Variants in BIRC6 observed in about 807,000 individuals in gnomAD.
The protein encoded by BIRC6 is dual E2 ubiquitin-conjugating enzyme/E3 ubiquitin-protein ligase BIRC6.
A neutral mutation model predicts 503.3 loss-of-function variants in BIRC6; 98 were observed. The ratio of observed to expected loss-of-function variants is 0.19; its 90% CI spans 0.17 to 0.23. The LOEUF (loss-of-function observed/expected upper bound fraction) is 0.23, where lower values mean the gene tolerates loss of function less well. Ranked by LOEUF, BIRC6 falls within the 10% of genes least tolerant of loss-of-function variation. BIRC6 has a pLI of 1.00. For synonymous variants in BIRC6, 2,240 were observed against 2,078.7 expected (o/e 1.08, Z -2.11); for missense variants, 5,360 against 5,806.0 (o/e 0.92, Z 2.50).
chr2:32,491,169 T>C (rs896703001), intron 43 of BIRC6, among the ~76,000 whole-genome samples: 17 of 152,312 alleles, frequency 1.1e-4, no homozygotes, highest in African/African-American at 4.1e-4. Flanking sequence ...GTTATATCTT[T>C]TCTGTTTGAC....
intron 23 of BIRC6, among the ~76,000 whole-genome samples, chr2:32,461,013 T>TTC (rs2047849266): frequency 9.6e-5 from 5 of 52,058 alleles, no homozygotes; most frequent in Non-Finnish European, 2.1e-4. Flanking sequence ...TTCTCTTCTC[T>TTC]TCTCTTCTCT....
At chr2:32,509,612 A>G (rs1178939053) in intron 51 of BIRC6, 126 bp from the exon 52 acceptor site, 10 of 1,091,916 alleles carry the variant, frequency 9.2e-6, no homozygotes, top group African/African-American at 1.6e-5. Context: ...CATTCTAAAA[A>G]AACATGTCTT....
At chr2:32,407,667 A>C (rs1021267917) in intron 9 of BIRC6, among the ~76,000 whole-genome samples, 1 of 152,090 alleles carries the variant, frequency 6.6e-6, no homozygotes, top group Non-Finnish European at 1.5e-5. Flanking sequence ...ATTTGGTAGT[A>C]AATATTCTTT....
At chr2:32,595,273 T>C (rs758890484) in intron 68 of BIRC6, 129 bp downstream of exon 68, 1 of 578,052 alleles carries the variant, frequency 1.7e-6, no homozygotes, top group East Asian at 3.3e-5. Flanking sequence ...TTCATACATA[T>C]CAACATTTTT....
At chr2:32,494,380 A>G (rs2052160824) in intron 45 of BIRC6, among the ~76,000 whole-genome samples, 1 of 151,674 alleles carries the variant, frequency 6.6e-6, no homozygotes, top group African/African-American at 2.4e-5. Context: ...GGCACGCACC[A>G]CCACACCCAG....
chr2:32,463,796 T>G (rs2048247442), intron 24 of BIRC6, among the ~76,000 whole-genome samples: 1 of 152,214 alleles, frequency 6.6e-6, no homozygotes, highest in African/African-American at 2.4e-5. Flanking sequence ...ATTAGGGGTC[T>G]CCAGTCCCTG....
intron 50 of BIRC6, 154 bp downstream of exon 50, chr2:32,505,359 A>T (rs1411348753): frequency 1.6e-6 from 1 of 624,568 alleles, no homozygotes; most frequent in Non-Finnish European, 2.7e-6. Flanking sequence ...TAATACTACC[A>T]AGTCATTTTA....
In BIRC6 at chr2:32,468,076, A is replaced by G. The variant is rs1475442068; in HGVS notation, c.5745A>G (p.Ala1915=). 1 of 1,613,954 alleles carries G rather than the reference A, an allele frequency of 6.2e-7. No individual in the cohort carries two copies. Reference sequence around the variant, plus strand: ...AGCCAGAAATTGACCAGCATTTAGCAATGATGGTTGCTTTGCAGGAGGATA... The same window carrying G: ...AGCCAGAAATTGACCAGCATTTAGCGATGATGGTTGCTTTGCAGGAGGATA... ...ANQPEIDQHL[A]MMVALQEDIQ... The change falls in exon 28 of 74, where the codon GCA becomes GCG. Residue 1915 remains alanine, a synonymous_variant. Transcript: ENST00000421745.
rs747306386 is a variant in BIRC6 at position 32,481,407 on chromosome 2, T to C, written c.7496T>C (p.Leu2499Ser). The change falls in exon 38 of 74, where the codon TTA becomes TCA. Residue 2499 changes from leucine to serine, a missense_variant. This residue lies in a region of BIRC6 where 2,299 missense variants were observed against 2,267.2 expected (regional missense o/e 1.01). Coordinates refer to ENST00000421745, the MANE Select transcript of BIRC6 (RefSeq NM_016252.4). ...CTAATGGAAGTTGACATTGATCCTT[T>C]AGATATTGATTTGGAAAAGGACCCT... Reference protein sequence around the residue: ...QDLMEVDIDPLDIDLEKDPLA... With the variant: ...QDLMEVDIDPSDIDLEKDPLA... 1 of 1,612,144 alleles carries C rather than the reference T, an allele frequency of 6.2e-7. No individual in the cohort carries two copies.
chr2:32,412,076 C>T (rs552214220), intron 9 of BIRC6, among the ~76,000 whole-genome samples: 14 of 152,164 alleles, frequency 9.2e-5, no homozygotes, highest in African/African-American at 2.2e-4. Context: ...TGCACCACAA[C>T]GCCTGGCTTT....
chr2:32,556,105 C>A (rs533260127), intron 65 of BIRC6, among the ~76,000 whole-genome samples: 2 of 152,230 alleles, frequency 1.3e-5, no homozygotes, highest in African/African-American at 4.8e-5. Context: ...ATGTTGATAG[C>A]GACTCAGAGT....
intron 23 of BIRC6, among the ~76,000 whole-genome samples, chr2:32,455,710 A>G (rs1032138863): frequency 1.3e-5 from 2 of 152,222 alleles, no homozygotes; most frequent in African/African-American, 4.8e-5. Context: ...ATAATTTTTA[A>G]AAGATAAAAG....
chr2:32,617,429 A>G (rs995213845), intron 73 of BIRC6, among the ~76,000 whole-genome samples: 2 of 152,196 alleles, frequency 1.3e-5, no homozygotes. Flanking sequence ...GTATCTAATA[A>G]TGTCCTTTAA....
chr2:32,429,299 T>A lies in BIRC6; in HGVS notation c.3022+4T>A. On this transcript the variant is annotated splice_donor_region_variant and intron_variant, in intron 11 of 73. Coordinates refer to ENST00000421745, the MANE Select transcript of BIRC6 (RefSeq NM_016252.4). ...CCTTCAAGTCCTGGCATTTCAGGTA[T>A]GATATTAAATTTTTAAATGATTTTA... 1.3e-6 allele frequency: 2 copies of A among 1,482,662 alleles called. No individual in the cohort carries two copies. The highest frequency in any genetic ancestry group is 1.8e-6 in the Non-Finnish European group (2 of 1,119,958). The allele number at this position is 1,482,662 out of a possible 1,614,324, so 91.8% of individuals were successfully genotyped here. A position where few individuals can be genotyped will look rare whatever the true frequency, so the allele number is the denominator to read the frequency against.
At chr2:32,455,083 AATTAATT>A (rs2047093883) in intron 23 of BIRC6, among the ~76,000 whole-genome samples, 1 of 152,130 alleles carries the variant, frequency 6.6e-6, no homozygotes, top group African/African-American at 2.4e-5. Context: ...ACTGTATTGA[AATTAATT>A]ATCCTGGGCC....
chr2:32,460,303 G>T (rs2047748694), intron 23 of BIRC6, among the ~76,000 whole-genome samples: 2 of 42,276 alleles, frequency 4.7e-5, no homozygotes, highest in Non-Finnish European at 9.7e-5. Flanking sequence ...TTTTTGACAT[G>T]GAGTCTCGCT....
intron 66 of BIRC6, among the ~76,000 whole-genome samples, chr2:32,577,882 A>G (rs1444641254): frequency 6.6e-6 from 1 of 152,204 alleles, no homozygotes; most frequent in Non-Finnish European, 1.5e-5. Context: ...GCCAGAGAAC[A>G]TTCTTCAGAC....
intron 1 of BIRC6, among the ~76,000 whole-genome samples, chr2:32,376,846 GTC>G (rs756408170): frequency 5.3e-5 from 8 of 152,118 alleles, no homozygotes; most frequent in East Asian, 1.9e-4. Flanking sequence ...TGTGAATGTG[GTC>G]TCTCAGAATA....
In BIRC6 at chr2:32,377,660, C is replaced by T. The variant is rs967376230; in HGVS notation, c.398C>T (p.Ala133Val). 1.9e-6 allele frequency: 3 copies of T among 1,613,154 alleles called. No individual in the cohort carries two copies. The highest frequency in any genetic ancestry group is 2.2e-5 in the South Asian group (2 of 91,000). The change falls in exon 2 of 74, where the codon GCA (alanine) becomes GTA (valine). Residue 133 changes from alanine (A) to valine (V), a missense_variant. By Grantham distance (64) the Ala-to-Val change is moderately conservative (BLOSUM62 0). This residue lies in a region of BIRC6 where 47 missense variants were observed against 93.3 expected (regional missense o/e 0.50). Transcript: ENST00000421745. ...AAAGTTATATTTGTGGATGATTATG[C>T]AGTAGGGTGTAGGAAGGACCTTAAT... ...VDKVIFVDDY[A>V]VGCRKDLNGI...
Sources: allele counts gnomAD v4.1 joint callset (sites outside exome capture counted in the v4.1 genomes callset), GRCh38; gene constraint gnomAD v4.1.1; regional missense constraint gnomAD v4.1.1; transcripts MANE v1.5; gene names NCBI Gene and HGNC (gene_info 2026-07-23, HGNC 2026-07-21).